The following DCBLD1 variants were observed in gnomAD, a reference collection of about 807,000 sequenced individuals.
DCBLD1 encodes discoidin, CUB and LCCL domain containing 1.
Under a neutral mutation model 71.5 loss-of-function variants are expected in DCBLD1, and 57 were observed. The observed-to-expected ratio is 0.80, with a 90% CI of 0.64 to 0.99. The LOEUF (loss-of-function observed/expected upper bound fraction) is 0.99. DCBLD1 is among the 50% of genes least tolerant of loss of function. DCBLD1 has a pLI of 0.00. For missense variants in DCBLD1, 891 were observed against 923.5 expected (o/e 0.96, Z 0.46); for synonymous variants, 380 against 363.8 (o/e 1.04, Z -0.51).
rs1419307863 is a variant in DCBLD1, at chr6:117,532,358, T to C, written c.684T>C (p.Tyr228=). The C allele has an allele frequency of 1.1e-5, 18 of 1,612,956 alleles. No individual in the cohort carries two copies. The highest frequency in any genetic ancestry group is 1.4e-5 in the Non-Finnish European group (17 of 1,179,772). ...TTCAGCGCAAAGGGATCAGTCGATATGAAGGGATTCTGGCCAATGGTGTTC... is the reference window on the plus strand; with the variant it reads ...TTCAGCGCAAAGGGATCAGTCGATACGAAGGGATTCTGGCCAATGGTGTTC... The part of the protein sequence containing the change: ...SVLQRKGISR[Y]EGILANGVLS... Residue 228 remains tyrosine (Y), a synonymous_variant, in exon 6 of 15, where the codon TAT becomes TAC. Transcript: ENST00000338728.
At position 117,548,132 on chromosome 6, in the gene DCBLD1, C is replaced by CGTTCTCT. The variant is rs2114577587; in HGVS notation, c.1843_1849dup (p.Ala617ValfsTer68). On this transcript the variant is annotated frameshift_variant, in exon 15 of 15. Coordinates refer to ENST00000338728, the MANE Select transcript of DCBLD1 (RefSeq NM_001366458.2). LOFTEE classifies it low-confidence loss of function (END_TRUNC). ...GAGCGGCACGTGCTGCGCGCCCACA[C>CGTTCTCT]GTTCTCTGCGCAGAGCGGCTACCGC... 2 of 1,549,980 alleles carry CGTTCTCT rather than the reference C, an allele frequency of 1.3e-6. No homozygotes were observed. The highest frequency in any genetic ancestry group is 2.0e-5 in the Admixed American group (1 of 50,982).
intron 1 of DCBLD1, among the ~76,000 whole-genome samples, chr6:117,484,388 G>A (rs928486435): frequency 6.6e-6 from 1 of 151,968 alleles, no homozygotes; most frequent in Non-Finnish European, 1.5e-5. Flanking sequence ...TCACTCTGTC[G>A]CCCAGGCTGC....
intron 1 of DCBLD1, among the ~76,000 whole-genome samples, chr6:117,497,576 T>G (rs954947005): frequency 6.6e-6 from 1 of 152,230 alleles, no homozygotes; most frequent in South Asian, 2.1e-4. Flanking sequence ...TCCATTAATT[T>G]CAGGCATTTG....
intron 1 of DCBLD1, among the ~76,000 whole-genome samples, chr6:117,499,771 C>G (rs1582973641): frequency 6.6e-6 from 1 of 152,138 alleles, no homozygotes; most frequent in Admixed American, 6.5e-5. Flanking sequence ...CAGTGATTGT[C>G]AATTAGAGAG....
intron 4 of DCBLD1, among the ~76,000 whole-genome samples, chr6:117,524,328 A>G (rs1356747000): frequency 6.6e-6 from 1 of 151,634 alleles, no homozygotes; most frequent in Non-Finnish European, 1.5e-5. Context: ...CAGCCTCCCA[A>G]GCAGCTGGGA....
intron 4 of DCBLD1, among the ~76,000 whole-genome samples, chr6:117,524,437 C>T (rs1778482322): frequency 6.6e-6 from 1 of 152,194 alleles, no homozygotes; most frequent in South Asian, 2.1e-4. Context: ...CTCCAGACCT[C>T]AGGTTATCCA....
At chr6:117,561,499 G>A (rs936427294) in intron 14 of DCBLD1, 9 of 216,776 alleles carry the variant, frequency 4.2e-5, no homozygotes, top group Non-Finnish European at 7.4e-5. Context: ...AAATAAATAC[G>A]GTGGCTAAAA....
intron 14 of DCBLD1, chr6:117,562,390 G>A (rs1172212102): frequency 5.0e-6 from 1 of 199,052 alleles, no homozygotes; most frequent in African/African-American, 2.3e-5. Context: ...TTAAGTGCCA[G>A]GACTATCACA....
chr6:117,488,401 T>G (rs532939414), intron 1 of DCBLD1, among the ~76,000 whole-genome samples: 17 of 152,154 alleles, frequency 1.1e-4, no homozygotes, highest in Non-Finnish European at 2.5e-4. Context: ...CCCAGTACTT[T>G]GGGAGGCTGA....
chr6:117,547,774 A>G, intron 14 of DCBLD1, 133 bp from the exon 15 acceptor site: 1 of 1,536,692 alleles, frequency 6.5e-7, no homozygotes. Flanking sequence ...GGTTTTCCGC[A>G]GTGCCTGGGA....
rs1779064615 is a variant in DCBLD1 at position 117,540,729 on chromosome 6, T to G, written c.1163T>G (p.Val388Gly). 1 of 1,614,230 alleles carries G rather than the reference T, an allele frequency of 6.2e-7. No homozygotes were observed. Among genetic ancestry groups the G allele is most frequent in the Non-Finnish European group, 8.5e-7 (1 of 1,180,040 alleles). Residue 388 changes from valine (V) to glycine (G), a missense_variant, in exon 10 of 15, where the codon GTG (valine) becomes GGG (glycine). By Grantham distance (109) the Val-to-Gly change is moderately radical (BLOSUM62 -3). Transcript: ENST00000338728. ...CAAAACAATTTCATCCCTCCCATCGTGGCCAGATATGTGCGGGTTGTCCCC... is the reference window on the plus strand; with the variant it reads ...CAAAACAATTTCATCCCTCCCATCGGGGCCAGATATGTGCGGGTTGTCCCC... Reference protein sequence around the residue: ...PVQNNFIPPIVARYVRVVPQT... With the variant: ...PVQNNFIPPIGARYVRVVPQT...
chr6:117,498,965 A>G (rs1253527932), intron 1 of DCBLD1, among the ~76,000 whole-genome samples: 6 of 152,176 alleles, frequency 3.9e-5, no homozygotes. Flanking sequence ...GTCTCACTTA[A>G]TTGCTATGGC....
At chr6:117,529,445 T>C (rs210649) in intron 5 of DCBLD1, among the ~76,000 whole-genome samples, 58,025 of 151,946 alleles carry the variant, frequency 0.38, 11,855 homozygotes, top group Non-Finnish European at 0.44. Flanking sequence ...TAGGTACATA[T>C]GCTAGGTAAT....
intron 1 of DCBLD1, among the ~76,000 whole-genome samples, chr6:117,492,230 A>G (rs1777317584): frequency 6.6e-6 from 1 of 152,206 alleles, no homozygotes; most frequent in Non-Finnish European, 1.5e-5. Context: ...TTTCATATAG[A>G]CAAATTTTAA....
At position 117,519,845 on chromosome 6, in the gene DCBLD1, A is replaced by C. The variant is rs1458262429; in HGVS notation, c.355A>C (p.Lys119Gln). 1 of 1,614,082 alleles carries C rather than the reference A, an allele frequency of 6.2e-7. No homozygotes were observed. The highest frequency in any genetic ancestry group is 1.3e-5 in the African/African-American group (1 of 75,066). The change falls in exon 3 of 15, where the codon AAA (lysine) becomes CAA (glutamine). Residue 119 changes from lysine to glutamine, a missense_variant. By Grantham distance (53) the Lys-to-Gln change is moderately conservative (BLOSUM62 1). Transcript: ENST00000338728. ...GPYCGSMTVPKELLLNTSEVT... is the reference protein window; with the variant it reads ...GPYCGSMTVPQELLLNTSEVT... ...ATACTGTGGAAGTATGACTGTTCCCAAAGAACTCTTGTTGAACACAAGTGA... is the reference window on the plus strand; with the variant it reads ...ATACTGTGGAAGTATGACTGTTCCCCAAGAACTCTTGTTGAACACAAGTGA...
chr6:117,496,131 A>G (rs1198087821), intron 1 of DCBLD1, among the ~76,000 whole-genome samples: 1 of 152,194 alleles, frequency 6.6e-6, no homozygotes. Flanking sequence ...TTATTAGATC[A>G]CTAGTCATAT....
At chr6:117,490,291 A>AT (rs1382927064) in intron 1 of DCBLD1, among the ~76,000 whole-genome samples, 3 of 152,124 alleles carry the variant, frequency 2.0e-5, no homozygotes, top group African/African-American at 7.2e-5. Flanking sequence ...TTATATTCTG[A>AT]TTTTTTAAAT....
chr6:117,544,378 G>A (rs1193426563), intron 12 of DCBLD1, 150 bp from the exon 13 acceptor site: 3 of 579,094 alleles, frequency 5.2e-6, no homozygotes, highest in Non-Finnish European at 8.4e-6. Context: ...ATATTTGTAT[G>A]ATTTTCTAAA....
intron 4 of DCBLD1, 146 bp downstream of exon 4, chr6:117,521,722 T>C: frequency 1.4e-6 from 1 of 720,116 alleles, no homozygotes; most frequent in Non-Finnish European, 2.2e-6. Flanking sequence ...TAGTTTGTTA[T>C]ATAGCAGGAA....
Sources: gnomAD v4.1 joint callset for allele counts (sites outside exome capture counted in the v4.1 genomes callset) on GRCh38, gnomAD v4.1.1 for gene constraint, MANE v1.5 for transcripts, NCBI Gene and HGNC (gene_info 2026-07-23, HGNC 2026-07-21) for gene names.